Variants in FAM241A observed in about 807,000 individuals in gnomAD.
FAM241A encodes family with sequence similarity 241 member A.
In FAM241A, 7 loss-of-function variants were observed where a neutral mutation model predicts 12.2. That is an observed-to-expected ratio of 0.58 (90% CI 0.33 to 1.08). The LOEUF (loss-of-function observed/expected upper bound fraction) is 1.08. Ranked by LOEUF, FAM241A falls within the 50% of genes least tolerant of loss-of-function variation. FAM241A has a pLI of 0.04. For missense variants in FAM241A, 161 were observed against 169.7 expected, an observed-to-expected ratio of 0.95 and a Z score of 0.29; for synonymous variants, 74 against 68.2, an observed-to-expected ratio of 1.08 and a Z score of -0.42.
In FAM241A at chr4:112,191,577, G is replaced by C. The variant is rs1724165149; in HGVS notation, c.*4639G>C. The C allele has an allele frequency of 1.3e-5, 2 of 152,222 alleles. No homozygotes were observed. Among genetic ancestry groups the C allele is most frequent in the Non-Finnish European group, 2.9e-5 (2 of 68,092 alleles). 9.4% of individuals were successfully genotyped at this position (152,222 alleles called of 1,614,324 possible). On this transcript the variant is annotated 3_prime_UTR_variant, in exon 2 of 2. Coordinates refer to ENST00000309733, the MANE Select transcript of FAM241A (RefSeq NM_152400.3). ...TGAACTTTTCCCCAGTTCCTTTAAA[G>C]AGACATGCTTTCTTACTTCCAGAAC...
chr4:112,182,473 T>C (rs1244799914), intron 1 of FAM241A, among the ~76,000 whole-genome samples: 1 of 152,002 alleles, frequency 6.6e-6, no homozygotes, highest in Non-Finnish European at 1.5e-5. Flanking sequence ...TAATTCTACT[T>C]AATTATCTCA....
chr4:112,163,690 G>A (rs371313600), intron 1 of FAM241A, among the ~76,000 whole-genome samples: 1 of 152,326 alleles, frequency 6.6e-6, no homozygotes, highest in East Asian at 1.9e-4. Context: ...TGGAAAAATA[G>A]GAACACTTTT....
intron 1 of FAM241A, among the ~76,000 whole-genome samples, chr4:112,172,188 A>G (rs1723737104): frequency 6.6e-6 from 1 of 152,214 alleles, no homozygotes; most frequent in South Asian, 2.1e-4. Flanking sequence ...GCATTGCCCA[A>G]CACATACTAT....
chr4:112,152,725 G>A (rs1250315351), intron 1 of FAM241A, among the ~76,000 whole-genome samples: 2 of 152,076 alleles, frequency 1.3e-5, no homozygotes, highest in Non-Finnish European at 2.9e-5. Context: ...CTTCAGTGCA[G>A]AAGCTGAGCA....
chr4:112,145,534 G>A lies in FAM241A; in HGVS notation c.-47G>A. ...CGGCGGCGCTGCCTGGTGCGTCGCG[G>A]CGTGGTCCTCCGGCGGCTGTCCGGG... On this transcript the variant is annotated 5_prime_UTR_variant, in exon 1 of 2. Coordinates refer to ENST00000309733, the MANE Select transcript of FAM241A (RefSeq NM_152400.3). The A allele has an allele frequency of 8.2e-7, 1 of 1,224,154 alleles. No homozygotes were observed. The highest frequency in any genetic ancestry group is 3.9e-5 in the South Asian group (1 of 25,566). The allele number at this position is 1,224,154 out of a possible 1,614,324, so 75.8% of individuals were successfully genotyped here.
At chr4:112,146,801 A>G (rs1455302853) in intron 1 of FAM241A, among the ~76,000 whole-genome samples, 1 of 152,244 alleles carries the variant, frequency 6.6e-6, no homozygotes, top group Non-Finnish European at 1.5e-5. Context: ...TGGCACACAA[A>G]ATATGCCTTA....
chr4:112,164,178 C>T (rs921112201), intron 1 of FAM241A, among the ~76,000 whole-genome samples: 4 of 148,474 alleles, frequency 2.7e-5, no homozygotes, highest in Non-Finnish European at 5.9e-5. Context: ...ACTAGTTAAT[C>T]GGTGCAGCAC....
chr4:112,158,525 T>G (rs1276598732), intron 1 of FAM241A, among the ~76,000 whole-genome samples: 1 of 152,136 alleles, frequency 6.6e-6, no homozygotes, highest in East Asian at 1.9e-4. Flanking sequence ...ACAGGCCACA[T>G]TTCATTTCTC....
In FAM241A at chr4:112,194,202, T is replaced by A. The variant is rs1220331096; in HGVS notation, c.*7264T>A. On this transcript the variant is annotated 3_prime_UTR_variant, in exon 2 of 2. Transcript: ENST00000309733. The stretch of plus-strand genomic sequence containing the variant: ...GTGATTTTTGTACATTGATTTTGTA[T>A]CCTGAGACTTTGCTGAAGTTGCTTA... The A allele has an allele frequency of 2.1e-5, 3 of 145,692 alleles. No individual in the cohort carries two copies. Among genetic ancestry groups the A allele is most frequent in the African/African-American group, 7.7e-5 (3 of 38,902 alleles). 9.0% of individuals were successfully genotyped at this position (145,692 alleles called of 1,614,324 possible).
intron 1 of FAM241A, among the ~76,000 whole-genome samples, chr4:112,163,509 CA>C (rs1163790297): frequency 6.6e-6 from 1 of 152,150 alleles, no homozygotes; most frequent in African/African-American, 2.4e-5. Flanking sequence ...AGGATATGAA[CA>C]GACACTTCTC....
chr4:112,176,279 A>T (rs1205536166), intron 1 of FAM241A, among the ~76,000 whole-genome samples: 1 of 152,258 alleles, frequency 6.6e-6, no homozygotes, highest in Non-Finnish European at 1.5e-5. Flanking sequence ...TAGAGAATAG[A>T]AGTAAAAATC....
rs190219199 is a variant in FAM241A at position 112,171,642 on chromosome 4, G to A, written c.154-15051G>A. On this transcript the variant is annotated intron_variant, in intron 1 of 1. Transcript: ENST00000309733. ...TGGGAGGCCGAGGCGGGCGAATCACGAGGTTAGGAGATCGAGACTATCCTG... is the reference window on the plus strand; with the variant it reads ...TGGGAGGCCGAGGCGGGCGAATCACAAGGTTAGGAGATCGAGACTATCCTG... 8.8e-4 allele frequency: 445 copies of A among 503,560 alleles called. 5 individuals are homozygous for A. Among genetic ancestry groups the A allele is most frequent in the African/African-American group, 7.0e-3 (356 of 51,068 alleles). The allele number at this position is 503,560 out of a possible 1,614,324, so 31.2% of individuals were successfully genotyped here.
chr4:112,181,306 G>A (rs1220569751), intron 1 of FAM241A, among the ~76,000 whole-genome samples: 3 of 151,294 alleles, frequency 2.0e-5, no homozygotes, highest in African/African-American at 7.2e-5. Flanking sequence ...TTGGAAAATA[G>A]TGCCCATCTT....
intron 1 of FAM241A, among the ~76,000 whole-genome samples, chr4:112,146,169 G>C (rs1723133822): frequency 6.6e-6 from 1 of 152,134 alleles, no homozygotes; most frequent in Non-Finnish European, 1.5e-5. Context: ...TTGCGTTTCC[G>C]AGCCCACACC....
chr4:112,147,611 A>G (rs889873572), intron 1 of FAM241A, among the ~76,000 whole-genome samples: 2 of 152,246 alleles, frequency 1.3e-5, no homozygotes, highest in Non-Finnish European at 2.9e-5. Flanking sequence ...TTACATGTGT[A>G]AAGATATTTG....
chr4:112,146,334 G>A (rs1296574815), intron 1 of FAM241A, among the ~76,000 whole-genome samples: 1 of 152,174 alleles, frequency 6.6e-6, no homozygotes, highest in Admixed American at 6.5e-5. Context: ...AAAAAGTGGA[G>A]AGGCAAGAAT....
intron 1 of FAM241A, among the ~76,000 whole-genome samples, chr4:112,184,693 T>C (rs540969951): frequency 6.6e-6 from 1 of 152,328 alleles, no homozygotes; most frequent in South Asian, 2.1e-4. Context: ...AAAAGCCCAT[T>C]TCTTAAAGTC....
Position 112,186,891 on chromosome 4 carries a change from GGA to G in FAM241A, c.353_354del (p.Gly118AlafsTer27). 6.2e-7 allele frequency: 1 copy of G among 1,614,004 alleles called. No homozygotes were observed. Among genetic ancestry groups the G allele is most frequent in the Non-Finnish European group, 8.5e-7 (1 of 1,179,940 alleles). ...MLWFLGLQAL[G>X]LVAVLCLVII... Reference sequence around the variant, plus strand: ...GTGGTTCCTTGGCCTGCAAGCCCTTGGACTAGTTGCTGTTCTTTGCCTTGTTA... The same window carrying G: ...GTGGTTCCTTGGCCTGCAAGCCCTTGCTAGTTGCTGTTCTTTGCCTTGTTA... On this transcript the variant is annotated frameshift_variant, in exon 2 of 2. Coordinates refer to ENST00000309733, the MANE Select transcript of FAM241A (RefSeq NM_152400.3). LOFTEE classifies it high-confidence loss of function.
Position 112,187,753 on chromosome 4 carries a change from G to A in FAM241A, c.*815G>A, listed in dbSNP as rs890543209. On this transcript the variant is annotated 3_prime_UTR_variant, in exon 2 of 2. Transcript: ENST00000309733. Reference sequence around the variant, plus strand: ...CAAGTTGCATATTTTTTCCTAGAGAGACATTTTCAGTGTATTTTTTTTTAG... The same window carrying A: ...CAAGTTGCATATTTTTTCCTAGAGAAACATTTTCAGTGTATTTTTTTTTAG... 1.3e-5 allele frequency: 2 copies of A among 151,670 alleles called. No homozygotes were observed. Among genetic ancestry groups the A allele is most frequent in the African/African-American group, 4.9e-5 (2 of 40,892 alleles). The allele number at this position is 151,670 out of a possible 1,614,324, so 9.4% of individuals were successfully genotyped here.
Sources: gnomAD v4.1 joint callset for allele counts (sites outside exome capture counted in the v4.1 genomes callset) on GRCh38, gnomAD v4.1.1 for gene constraint, MANE v1.5 for transcripts, NCBI Gene and HGNC (gene_info 2026-07-23, HGNC 2026-07-21) for gene names.